HACD1: variants seen among roughly 807,000 people sequenced by gnomAD.
HACD1 encodes the protein 3-hydroxyacyl-CoA dehydratase 1.
A neutral mutation model predicts 32.0 loss-of-function variants in HACD1; 41 were observed. The ratio of observed to expected loss-of-function variants is 1.28; its 90% CI spans 1.00 to 1.66. The LOEUF is 1.66. Among genes scored for constraint, HACD1 ranks in the 40% most tolerant of loss-of-function variants. The pLI is 0.00. For missense variants in HACD1, 396 were observed against 380.1 expected, an observed-to-expected ratio of 1.04 and a Z score of -0.35; for synonymous variants, 142 against 139.0, an observed-to-expected ratio of 1.02 and a Z score of -0.15.
At chr10:17,594,446 G>T in intron 5 of HACD1, 63 bp from the exon 6 acceptor site, 1 of 1,235,994 alleles carries the variant, frequency 8.1e-7, no homozygotes, top group Non-Finnish European at 1.1e-6. Flanking sequence ...TTACATTGCA[G>T]GTCTATTGCT....
chr10:17,591,592 AC>A (rs1249260153), intron 6 of HACD1, among the ~76,000 whole-genome samples: 1 of 152,238 alleles, frequency 6.6e-6, no homozygotes, highest in African/African-American at 2.4e-5. Context: ...AATATTTTGA[AC>A]CAATTTGAAC....
Position 17,617,167 on chromosome 10 carries a change from T to A in HACD1, c.173A>T (p.Asp58Val), listed in dbSNP as rs1554818234. ...TNGGASEAGEDREAPGERRRL... is the reference protein window; with the variant it reads ...TNGGASEAGEVREAPGERRRL... ...CCTCCGCTCGCCGGGAGCCTCCCGG[T>A]CCTCGCCGGCCTCCGAGGCGCCGCC... Residue 58 changes from aspartate (D) to valine (V), a missense_variant, in exon 1 of 7, where the codon GAC becomes GTC. Physicochemically the swap from Asp to Val is radical, Grantham distance 152. Coordinates refer to ENST00000361271, the MANE Select transcript of HACD1 (RefSeq NM_014241.4). 3 of 1,505,568 alleles carry A rather than the reference T, an allele frequency of 2.0e-6. No individual in the cohort carries two copies. The highest frequency in any genetic ancestry group is 1.8e-6 in the Non-Finnish European group (2 of 1,131,216). 93.3% of individuals were successfully genotyped at this position (1,505,568 alleles called of 1,614,324 possible). A position where few individuals can be genotyped will look rare whatever the true frequency, so the allele number is the denominator to read the frequency against.
chr10:17,600,738 C>T lies in HACD1; in HGVS notation c.484-1327G>A, dbSNP rs899274720. On this transcript the variant is annotated intron_variant, in intron 4 of 6. Transcript: ENST00000361271. Reference sequence around the variant, plus strand: ...CATGTCAGCATTCAACATCTGTATCCCTCCTTAAGGGAAGCCTTCTTGCAC... The same window carrying T: ...CATGTCAGCATTCAACATCTGTATCTCTCCTTAAGGGAAGCCTTCTTGCAC... Among the ~76,000 whole-genome samples the T allele has an allele frequency of 6.6e-4, 101 of 152,260 alleles. 1 individual carries two copies. The highest frequency in any genetic ancestry group is 2.4e-3 in the African/African-American group (98 of 41,548).
chr10:17,603,725 C>A lies in HACD1; in HGVS notation c.394+1G>T, dbSNP rs782482280. ...AGTATAAAATTGAAGCAAAAACTCA[C>A]CAATTAAACAGTGAACTATCTGTAA... On this transcript the variant is annotated splice_donor_variant, in intron 3 of 6. Coordinates refer to ENST00000361271, the MANE Select transcript of HACD1 (RefSeq NM_014241.4). LOFTEE classifies it high-confidence loss of function. 4.4e-6 allele frequency: 7 copies of A among 1,600,438 alleles called. No homozygotes were observed. Among genetic ancestry groups the A allele is most frequent in the Non-Finnish European group, 5.1e-6 (6 of 1,168,330 alleles).
In HACD1 at chr10:17,617,145, C is replaced by A; in HGVS notation, c.195G>T (p.Arg65=). Residue 65 remains arginine (R), a synonymous_variant, in exon 1 of 7, where the codon CGG becomes CGT. Coordinates refer to ENST00000361271, the MANE Select transcript of HACD1 (RefSeq NM_014241.4). ...CGGTGGCCAAGACCCCCAGGCGCCT[C>A]CGCTCGCCGGGAGCCTCCCGGTCCT... The part of the protein sequence containing the change: ...AGEDREAPGE[R]RRLGVLATAW... The A allele has an allele frequency of 6.6e-7, 1 of 1,507,754 alleles. No individual in the cohort carries two copies. The highest frequency in any genetic ancestry group is 8.8e-7 in the Non-Finnish European group (1 of 1,131,578). 93.4% of individuals were successfully genotyped at this position (1,507,754 alleles called of 1,614,324 possible). A position where few individuals can be genotyped will look rare whatever the true frequency, so the allele number is the denominator to read the frequency against.
intron 5 of HACD1, 171 bp downstream of exon 5, chr10:17,599,119 G>A: frequency 8.4e-7 from 1 of 1,186,804 alleles, no homozygotes; most frequent in Non-Finnish European, 1.1e-6. Flanking sequence ...TCATCATTAA[G>A]CTTTTAGAAT....
chr10:17,611,957 ACT>A (rs1481891360), intron 1 of HACD1, among the ~76,000 whole-genome samples: 25 of 147,662 alleles, frequency 1.7e-4, no homozygotes, highest in African/African-American at 6.0e-4. Flanking sequence ...ACAGAGCGAG[ACT>A]CTGTCTTGAA....
rs1833900499 is a variant in HACD1 at position 17,589,270 on chromosome 10, TC to T, written c.*1093del. ...ATGATCATCTTCCTCATCATCGTTA[TC>T]ATCATCATCATCATCATCACTATTT... On this transcript the variant is annotated 3_prime_UTR_variant, in exon 7 of 7. Transcript: ENST00000361271. 6.6e-6 allele frequency: 1 copy of T among 152,156 alleles called. No homozygotes were observed. The highest frequency in any genetic ancestry group is 1.5e-5 in the Non-Finnish European group (1 of 68,194). The allele number at this position is 152,156 out of a possible 1,614,324, so 9.4% of individuals were successfully genotyped here.
At chr10:17,594,489 C>G (rs1234170577) in intron 5 of HACD1, 106 bp from the exon 6 acceptor site, 37 of 860,014 alleles carry the variant, frequency 4.3e-5, no homozygotes, top group Middle Eastern at 3.8e-4. Flanking sequence ...ATTCTCTTTT[C>G]TTTACATATT....
chr10:17,597,229 C>T (rs146605129), intron 5 of HACD1, among the ~76,000 whole-genome samples: 130 of 152,260 alleles, frequency 8.5e-4, no homozygotes, highest in African/African-American at 3.0e-3. Flanking sequence ...ATCACTGCAA[C>T]CTCCACCTCC....
chr10:17,617,075 G>C lies in HACD1; in HGVS notation c.257+8C>G. On this transcript the variant is annotated splice_region_variant and intron_variant, in intron 1 of 6. Transcript: ENST00000361271. Reference sequence around the variant, plus strand: ...GGAGGGCCCGAGGGTGCCCCGCGGCGCGCGTACCCCGCGGTCATGGCGATG... The same window carrying C: ...GGAGGGCCCGAGGGTGCCCCGCGGCCCGCGTACCCCGCGGTCATGGCGATG... 1 of 1,475,544 alleles carries C rather than the reference G, an allele frequency of 6.8e-7. No homozygotes were observed. The highest frequency in any genetic ancestry group is 9.0e-7 in the Non-Finnish European group (1 of 1,116,704). The allele number at this position is 1,475,544 out of a possible 1,614,324, so 91.4% of individuals were successfully genotyped here.
intron 1 of HACD1, among the ~76,000 whole-genome samples, chr10:17,612,800 T>C (rs1322269003): frequency 6.6e-6 from 1 of 151,624 alleles, no homozygotes; most frequent in Non-Finnish European, 1.5e-5. Flanking sequence ...CGGGCGCCAG[T>C]AGTCCCAGCT....
At chr10:17,594,615 T>C (rs1833971133) in intron 5 of HACD1, among the ~76,000 whole-genome samples, 1 of 152,198 alleles carries the variant, frequency 6.6e-6, no homozygotes, top group South Asian at 2.1e-4. Context: ...AATAAAATAG[T>C]ATCAACTTAT....
Position 17,590,436 on chromosome 10 carries a change from T to G in HACD1, c.795A>C (p.Gln265His), listed in dbSNP as rs782343591. ...TMASYIPLFP[Q>H]LYFHMLRQRR... ...TTTGACGTAACATATGAAAATAGAG[T>G]TGTGGAAACACTTCATTGAAAAAGA... The change falls in exon 7 of 7, where the codon CAA (glutamine) becomes CAC (histidine). Residue 265 changes from glutamine to histidine, a missense_variant. Physicochemically the swap from Gln to His is conservative, Grantham distance 24. Transcript: ENST00000361271. The G allele has an allele frequency of 3.1e-6, 5 of 1,588,060 alleles. No homozygotes were observed. Among genetic ancestry groups the G allele is most frequent in the Non-Finnish European group, 3.4e-6 (4 of 1,163,598 alleles).
At chr10:17,594,457 A>T in intron 5 of HACD1, 74 bp from the exon 6 acceptor site, 1 of 1,161,476 alleles carries the variant, frequency 8.6e-7, no homozygotes, top group South Asian at 3.1e-5. Context: ...GTCTATTGCT[A>T]CTACTAAATT....
At chr10:17,602,574 G>A (rs1554816634) in intron 4 of HACD1, among the ~76,000 whole-genome samples, 2 of 151,854 alleles carry the variant, frequency 1.3e-5, no homozygotes, top group Non-Finnish European at 2.9e-5. Flanking sequence ...TATATTTATG[G>A]TGTACAACAT....
chr10:17,596,683 C>T lies in HACD1; in HGVS notation c.606-2300G>A, dbSNP rs535951293. Among the ~76,000 whole-genome samples the T allele has an allele frequency of 3.3e-5, 5 of 152,028 alleles. No homozygotes were observed. The East Asian group carries it at 9.7e-4, about 29-fold the overall frequency. ...TCTGAGGGCAGTATGGGAGATTTAA[C>T]TATGGATAGACCACATTAAAAAAAA... On this transcript the variant is annotated intron_variant, in intron 5 of 6. Transcript: ENST00000361271.
chr10:17,605,219 C>T (rs1367916876), intron 1 of HACD1, among the ~76,000 whole-genome samples: 1 of 151,968 alleles, frequency 6.6e-6, no homozygotes, highest in East Asian at 1.9e-4. Flanking sequence ...TGCCACTGAA[C>T]TTACACTTTA....
At chr10:17,602,608 T>C (rs1434300284) in intron 4 of HACD1, among the ~76,000 whole-genome samples, 1 of 152,240 alleles carries the variant, frequency 6.6e-6, no homozygotes, top group Non-Finnish European at 1.5e-5. Flanking sequence ...ATGTACGCAT[T>C]GTGAAATGGC....
Sources: gnomAD v4.1 joint callset for allele counts (sites outside exome capture counted in the v4.1 genomes callset) on GRCh38, gnomAD v4.1.1 for gene constraint, MANE v1.5 for transcripts, NCBI Gene and HGNC (gene_info 2026-07-23, HGNC 2026-07-21) for gene names.